MCM8: variants seen among roughly 807,000 people sequenced by gnomAD.
MCM8 encodes DNA helicase MCM8.
Under a neutral mutation model 98.9 loss-of-function variants are expected in MCM8, and 85 were observed. That is an observed-to-expected ratio of 0.86 (90% CI 0.72 to 1.03). MCM8 has a LOEUF of 1.03. MCM8 is among the 50% of genes least tolerant of loss of function. The probability of loss-of-function intolerance (pLI) is 0.00; values close to 1 mark genes in which losing one functional copy is unlikely to be tolerated. For missense variants in MCM8, 951 were observed against 997.8 expected, an observed-to-expected ratio of 0.95 and a Z score of 0.63; for synonymous variants, 352 against 338.6, an observed-to-expected ratio of 1.04 and a Z score of -0.44.
chr20:5,963,255 T>C lies in MCM8; in HGVS notation c.790-19T>C. 1 of 1,573,766 alleles carries C rather than the reference T, an allele frequency of 6.4e-7. No homozygotes were observed. On this transcript the variant is annotated intron_variant, in intron 7 of 18. Transcript: ENST00000610722. ...TAGTTTATCAAAATCTGAATGTGAATTACTTTTGTTTCATTCAGTGTCCTG... is the reference window on the plus strand; with the variant it reads ...TAGTTTATCAAAATCTGAATGTGAACTACTTTTGTTTCATTCAGTGTCCTG...
chr20:5,986,300 A>G (rs1357555501), intron 16 of MCM8, among the ~76,000 whole-genome samples, 169 bp downstream of exon 16: 1 of 152,240 alleles, frequency 6.6e-6, no homozygotes, highest in Non-Finnish European at 1.5e-5. Flanking sequence ...TGTCTATAAC[A>G]TATCCAAGTA....
rs776318897 is a variant in MCM8 at position 5,963,365 on chromosome 20, C to T, written c.875+6C>T. On this transcript the variant is annotated splice_donor_region_variant and intron_variant, in intron 8 of 18. Transcript: ENST00000610722. ...ATGGACTGGCAGTCAATCAAGTAAG[C>T]GATCAGACTGTTACATAAAAGGCAG... The T allele has an allele frequency of 1.3e-5, 21 of 1,610,196 alleles. No homozygotes were observed. Among genetic ancestry groups the T allele is most frequent in the East Asian group, 1.1e-4 (5 of 44,872 alleles).
intron 12 of MCM8, among the ~76,000 whole-genome samples, chr20:5,977,652 C>T (rs1035700282): frequency 7.2e-5 from 11 of 152,192 alleles, no homozygotes; most frequent in African/African-American, 2.7e-4. Context: ...CCTGACTTTC[C>T]ACCTTGATAG....
At chr20:5,968,392 A>G (rs896822963) in intron 10 of MCM8, among the ~76,000 whole-genome samples, 30 of 152,148 alleles carry the variant, frequency 2.0e-4, no homozygotes, top group Non-Finnish European at 7.4e-5. Flanking sequence ...TAAAAATACA[A>G]AAATTGGCCG....
chr20:5,975,467 T>G (rs997419202), intron 12 of MCM8, among the ~76,000 whole-genome samples: 2 of 151,684 alleles, frequency 1.3e-5, no homozygotes, highest in Non-Finnish European at 2.9e-5. Flanking sequence ...TACATACTGC[T>G]TGCAGTATAT....
chr20:5,990,037 A>C (rs1250231426), intron 17 of MCM8, among the ~76,000 whole-genome samples: 3 of 151,724 alleles, frequency 2.0e-5, no homozygotes, highest in Admixed American at 2.0e-4. Context: ...TTCTGTGTCT[A>C]AGTATCCTAT....
intron 14 of MCM8, among the ~76,000 whole-genome samples, chr20:5,983,727 T>C (rs1397150439): frequency 2.6e-5 from 4 of 152,116 alleles, no homozygotes; most frequent in Non-Finnish European, 5.9e-5. Flanking sequence ...AAATTGTTTC[T>C]CACATACACA....
At chr20:5,972,372 A>AT (rs1317511061) in intron 11 of MCM8, among the ~76,000 whole-genome samples, 3 of 150,574 alleles carry the variant, frequency 2.0e-5, no homozygotes, top group Admixed American at 2.0e-4. Flanking sequence ...TGTGCAGCTA[A>AT]TTTTTTTGTA....
intron 11 of MCM8, 92 bp downstream of exon 11, chr20:5,972,129 G>T: frequency 2.2e-6 from 2 of 903,498 alleles, no homozygotes; most frequent in South Asian, 1.6e-5. Context: ...AATTTCTATT[G>T]GCCAGTTATT....
At chr20:5,973,347 A>G in intron 12 of MCM8, 151 bp downstream of exon 12, 1 of 933,336 alleles carries the variant, frequency 1.1e-6, no homozygotes, top group Non-Finnish European at 1.6e-6. Flanking sequence ...GTAATATGTA[A>G]CTTATATCTG....
chr20:5,956,586 G>T (rs1184495315), intron 5 of MCM8, among the ~76,000 whole-genome samples: 8 of 152,094 alleles, frequency 5.3e-5, no homozygotes, highest in African/African-American at 1.9e-4. Flanking sequence ...TAGAGATGGG[G>T]TTTCACCATG....
intron 17 of MCM8, among the ~76,000 whole-genome samples, chr20:5,990,122 G>C (rs1835248102): frequency 6.6e-6 from 1 of 151,674 alleles, no homozygotes; most frequent in African/African-American, 2.4e-5. Context: ...ATCCAGGCTG[G>C]AGAGTACAGT....
At chr20:5,978,148 T>A in intron 13 of MCM8, 131 bp downstream of exon 13, 1 of 962,638 alleles carries the variant, frequency 1.0e-6, no homozygotes, top group Non-Finnish European at 1.5e-6. Context: ...AAGTTGACAC[T>A]GTCAGAAATA....
At chr20:5,972,990 A>T (rs1334540702) in intron 11 of MCM8, 66 bp from the exon 12 acceptor site, 3 of 1,514,884 alleles carry the variant, frequency 2.0e-6, no homozygotes, top group Non-Finnish European at 2.7e-6. Flanking sequence ...AAGGAGGAAT[A>T]CCCCCTTTAC....
chr20:5,984,557 A>G lies in MCM8; in HGVS notation c.1734-224A>G, dbSNP rs577529054. Among the ~76,000 whole-genome samples, 5 of 152,288 alleles carry G rather than the reference A, an allele frequency of 3.3e-5. 1 individual carries two copies. The highest frequency in any genetic ancestry group is 1.2e-4 in the African/African-American group (5 of 41,534). On this transcript the variant is annotated intron_variant, in intron 14 of 18. Transcript: ENST00000610722. ...CAGTGGGTTTGGGGGTGTGAGAAAG[A>G]GCCATGTCCTCAACCTACCCAGGGT... is the stretch of plus-strand genomic sequence containing the variant.
In MCM8 at chr20:5,985,941, T is replaced by C; in HGVS notation, c.1973T>C (p.Ile658Thr). Residue 658 changes from isoleucine (I) to threonine (T), a missense_variant, in exon 16 of 19, where the codon ATA (isoleucine) becomes ACA (threonine). Physicochemically the swap from Ile to Thr is moderately conservative, Grantham distance 89 (BLOSUM62 -1). Coordinates refer to ENST00000610722, the MANE Select transcript of MCM8 (RefSeq NM_032485.6). ...CTTCAGGTGGTTCCTGGAGAAACAATAGATCCCATTCCCCACCAGCTATTG... is the reference window on the plus strand; with the variant it reads ...CTTCAGGTGGTTCCTGGAGAAACAACAGATCCCATTCCCCACCAGCTATTG... Reference protein sequence around the residue: ...ERLKVVPGETIDPIPHQLLRK... With the variant: ...ERLKVVPGETTDPIPHQLLRK... 1 of 1,614,190 alleles carries C rather than the reference T, an allele frequency of 6.2e-7. No individual in the cohort carries two copies. The highest frequency in any genetic ancestry group is 1.3e-5 in the African/African-American group (1 of 75,060).
chr20:5,977,884 C>T lies in MCM8; in HGVS notation c.1404C>T (p.Cys468=), dbSNP rs531099221. 5.6e-6 allele frequency: 9 copies of T among 1,614,034 alleles called. No homozygotes were observed. In the Admixed American group the frequency reaches 1.2e-4, roughly 21 times the overall value. ...ACTTTTTGTTTCCTTAGGCAGCGTG[C>T]AATGTTGCCCCACGTGGCGTGTATG... The part of the protein sequence containing the change: ...LGKSQMLQAA[C]NVAPRGVYVC... Residue 468 remains cysteine, a synonymous_variant, in exon 13 of 19, where the codon TGC becomes TGT. Coordinates refer to ENST00000610722, the MANE Select transcript of MCM8 (RefSeq NM_032485.6).
chr20:5,951,161 C>T (rs2122627921), intron 1 of MCM8, 138 bp downstream of exon 1: 2 of 152,356 alleles, frequency 1.3e-5, no homozygotes, highest in South Asian at 4.1e-4. Flanking sequence ...AGCATATTGT[C>T]TCGTTTGAGA....
chr20:5,985,111 T>C lies in MCM8; in HGVS notation c.1953+111T>C, dbSNP rs57819626. 5,334 of 787,854 alleles carry C rather than the reference T, an allele frequency of 6.8e-3. 242 individuals are homozygous for C. The African/African-American group carries it at 0.085, about 13-fold the overall frequency. 48.8% of individuals were successfully genotyped at this position (787,854 alleles called of 1,614,324 possible). ...CAAACTTTTTTTTTACCAGAACTTT[T>C]TAATATTTCCATACTAGAGTTTACG... On this transcript the variant is annotated intron_variant, in intron 15 of 18. Coordinates refer to ENST00000610722, the MANE Select transcript of MCM8 (RefSeq NM_032485.6).
Sources: allele counts gnomAD v4.1 joint callset (sites outside exome capture counted in the v4.1 genomes callset), GRCh38; gene constraint gnomAD v4.1.1; transcripts MANE v1.5; gene names NCBI Gene and HGNC (gene_info 2026-07-23, HGNC 2026-07-21).